ASIC2: variants seen among roughly 807,000 people sequenced by gnomAD.
The protein encoded by ASIC2 is acid sensing ion channel subunit 2, also known as acid-sensing ion channel 2.
ASIC2 carries 25 observed loss-of-function variants against 57.3 expected under a neutral mutation model. That is an observed-to-expected ratio of 0.44 (90% CI 0.32 to 0.61). The LOEUF is 0.61. Ranked by LOEUF, ASIC2 falls within the 20% of genes least tolerant of loss-of-function variation. The pLI is 0.06. For synonymous variants in ASIC2, 319 were observed against 307.5 expected (o/e 1.04, Z -0.39); for missense variants, 641 against 738.1 (o/e 0.87, Z 1.52).
At chr17:34,056,446 T>A (rs1431075171) in intron 1 of ASIC2, among the ~76,000 whole-genome samples, 1 of 152,170 alleles carries the variant, frequency 6.6e-6, no homozygotes, top group Non-Finnish European at 1.5e-5. Context: ...TGTGACACTG[T>A]GCAAAGAAAG....
At chr17:33,818,818 T>C (rs1285290545) in intron 1 of ASIC2, among the ~76,000 whole-genome samples, 1 of 152,258 alleles carries the variant, frequency 6.6e-6, no homozygotes, top group Non-Finnish European at 1.5e-5. Context: ...CCATTCCAGC[T>C]TCTTTCCTAG....
rs187647173 is a variant in ASIC2, at chr17:33,206,973, C to T, written c.708+84435G>A. ...GCTCTGTCCCTTTCTAGCAGCATCA[C>T]TCCCCTGCCCTTTTTCTGAGGCTTT... On this transcript the variant is annotated intron_variant, in intron 1 of 9. Coordinates refer to ENST00000225823, the MANE Select transcript of ASIC2 (RefSeq NM_183377.2). Among the ~76,000 whole-genome samples, 14 of 152,326 alleles carry T rather than the reference C, an allele frequency of 9.2e-5. No individual in the cohort carries two copies. In the East Asian group the frequency reaches 2.7e-3, roughly 29 times the overall value.
At chr17:33,477,973 C>T (rs571671841) in intron 1 of ASIC2, among the ~76,000 whole-genome samples, 4 of 152,326 alleles carry the variant, frequency 2.6e-5, no homozygotes, top group African/African-American at 9.6e-5. Flanking sequence ...GCAGGAGTAG[C>T]TAGTCAGAGG....
At position 33,826,124 on chromosome 17, in the gene ASIC2, G is replaced by A. The variant is rs190272388; in HGVS notation, c.555+329854C>T. ...TACCAATTCCCTTTTGGGAATTCAT[G>A]CTTTTAGCTTTTAATGATTGAATCA... On this transcript the variant is annotated intron_variant, in intron 1 of 9. Transcript: ENST00000359872. Among the ~76,000 whole-genome samples, 216 of 152,270 alleles carry A rather than the reference G, an allele frequency of 1.4e-3. 2 individuals are homozygous for A. Among genetic ancestry groups the A allele is most frequent in the Non-Finnish European group, 1.7e-3 (119 of 68,020 alleles).
Position 33,028,254 on chromosome 17 carries a change from C to G in ASIC2, c.1126G>C (p.Val376Leu), listed in dbSNP as rs768967808. The G allele has an allele frequency of 6.2e-7, 1 of 1,614,060 alleles. No individual in the cohort carries two copies. The highest frequency in any genetic ancestry group is 1.1e-5 in the South Asian group (1 of 91,076). Residue 376 changes from valine to leucine, a missense_variant, in exon 4 of 10, where the codon GTT (valine) becomes CTT (leucine). Val to Leu is a conservative substitution (Grantham distance 32). This residue lies in a region of ASIC2 where 252 missense variants were observed against 319.8 expected (regional missense o/e 0.79). Transcript: ENST00000225823. ...CCCTGGCACTGACCTGGCATGTGAA[C>G]CATGCGGCAGTTGCAGTTTTCCACA... ...YIVENCNCRM[V>L]HMPGDAPFCT... is the part of the protein sequence containing the mutation.
At chr17:33,385,127 T>C (rs150416438) in intron 1 of ASIC2, among the ~76,000 whole-genome samples, 217 of 152,310 alleles carry the variant, frequency 1.4e-3, no homozygotes, top group African/African-American at 5.0e-3. Context: ...TTAAATAAAA[T>C]GTACAAGTGA....
At chr17:33,901,861 G>C (rs756738868) in intron 1 of ASIC2, among the ~76,000 whole-genome samples, 7 of 152,076 alleles carry the variant, frequency 4.6e-5, no homozygotes, top group Non-Finnish European at 8.8e-5. Context: ...TTGCCTTATG[G>C]TTCTATGTTT....
intron 1 of ASIC2, among the ~76,000 whole-genome samples, chr17:33,870,962 G>A (rs553695172): frequency 5.9e-5 from 9 of 152,296 alleles, no homozygotes; most frequent in Middle Eastern, 3.4e-3. Flanking sequence ...TCCTGAATGC[G>A]CTTTGCTTGT....
At chr17:33,209,956 G>T (rs9897132) in intron 1 of ASIC2, among the ~76,000 whole-genome samples, 120 of 152,256 alleles carry the variant, frequency 7.9e-4, no homozygotes, top group South Asian at 1.4e-3. Context: ...TCCTGACTTG[G>T]TCTGTTTTGG....
chr17:33,422,149 T>C (rs77098170), intron 1 of ASIC2, among the ~76,000 whole-genome samples: 17,775 of 152,280 alleles, frequency 0.12, 1,137 homozygotes, highest in Non-Finnish European at 0.14. Context: ...CAGCTGCTTC[T>C]GTAGGCATGC....
chr17:33,898,200 G>T (rs1171190066), intron 1 of ASIC2, among the ~76,000 whole-genome samples: 1 of 136,534 alleles, frequency 7.3e-6, no homozygotes, highest in Non-Finnish European at 1.5e-5. Context: ...TACAAAAACT[G>T]CCCAGAGTTC....
At chr17:34,048,270 T>C (rs1380186686) in intron 1 of ASIC2, among the ~76,000 whole-genome samples, 28 of 152,226 alleles carry the variant, frequency 1.8e-4, no homozygotes, top group Admixed American at 1.8e-3. Flanking sequence ...CTCCTGAACA[T>C]GCTACCTTAT....
intron 1 of ASIC2, among the ~76,000 whole-genome samples, chr17:33,346,093 C>T (rs556243179): frequency 2.0e-5 from 3 of 151,616 alleles, no homozygotes; most frequent in African/African-American, 4.8e-5. Context: ...CAGGCATGGT[C>T]GTGGGCGTCT....
intron 3 of ASIC2, among the ~76,000 whole-genome samples, chr17:33,055,488 T>C (rs2091994394): frequency 6.6e-6 from 1 of 152,210 alleles, no homozygotes; most frequent in East Asian, 1.9e-4. Flanking sequence ...CTGATGAGCC[T>C]CTCATGCCCT....
intron 1 of ASIC2, among the ~76,000 whole-genome samples, chr17:33,430,782 C>T (rs1882054588): frequency 6.6e-6 from 1 of 152,164 alleles, no homozygotes; most frequent in South Asian, 2.1e-4. Flanking sequence ...AAAAACTGTA[C>T]ATAGATTAGA....
chr17:33,983,696 C>G (rs1905707345), intron 1 of ASIC2, among the ~76,000 whole-genome samples: 1 of 152,188 alleles, frequency 6.6e-6, no homozygotes, highest in Non-Finnish European at 1.5e-5. Context: ...ACTGAGAAGA[C>G]AGGGCCCATT....
chr17:33,122,570 GT>G (rs2141998121), intron 1 of ASIC2, among the ~76,000 whole-genome samples: 1 of 152,186 alleles, frequency 6.6e-6, no homozygotes, highest in Admixed American at 6.5e-5. Flanking sequence ...ATAACATGAT[GT>G]TTCAATACAT....
chr17:34,131,749 G>A (rs1033597145), intron 1 of ASIC2, among the ~76,000 whole-genome samples: 2 of 152,220 alleles, frequency 1.3e-5, no homozygotes, highest in Non-Finnish European at 2.9e-5. Context: ...ATCCCACTGA[G>A]ACCCAGGGTC....
chr17:33,169,493 G>T (rs1597613942), intron 1 of ASIC2, among the ~76,000 whole-genome samples: 1 of 152,236 alleles, frequency 6.6e-6, no homozygotes, highest in African/African-American at 2.4e-5. Flanking sequence ...TTCACTAAAA[G>T]TTAGCAATTT....
Sources: allele counts gnomAD v4.1 joint callset (sites outside exome capture counted in the v4.1 genomes callset), GRCh38; gene constraint gnomAD v4.1.1; regional missense constraint gnomAD v4.1.1; transcripts MANE v1.5; gene names NCBI Gene and HGNC (gene_info 2026-07-23, HGNC 2026-07-21).